The following ULK3 variants were observed in gnomAD, a reference collection of about 807,000 sequenced individuals.
The protein encoded by ULK3 is unc-51 like kinase 3.
A neutral mutation model predicts 69.4 loss-of-function variants in ULK3; 54 were observed. The ratio of observed to expected loss-of-function variants is 0.78; its 90% CI spans 0.63 to 0.98. The LOEUF is 0.98. ULK3 is among the 50% of genes least tolerant of loss of function. The pLI, the probability that ULK3 is intolerant of heterozygous loss-of-function variation, is 0.00. For missense variants in ULK3, 558 were observed against 627.7 expected (o/e 0.89, Z 1.19); for synonymous variants, 240 against 254.5 (o/e 0.94, Z 0.54).
At chr15:74,841,354 G>A (rs984472433) in intron 4 of ULK3, 51 bp downstream of exon 4, 3 of 1,501,708 alleles carry the variant, frequency 2.0e-6, no homozygotes, top group Non-Finnish European at 2.8e-6. Flanking sequence ...CCCAGGCAGA[G>A]GGAGGCCTCT....
Position 74,840,488 on chromosome 15 carries a change from G to T in ULK3, c.613+10C>A. 1 of 1,602,024 alleles carries T rather than the reference G, an allele frequency of 6.2e-7. No homozygotes were observed. Among genetic ancestry groups the T allele is most frequent in the South Asian group, 1.1e-5 (1 of 89,282 alleles). On this transcript the variant is annotated intron_variant, in intron 5 of 15. Transcript: ENST00000440863. The stretch of plus-strand genomic sequence containing the variant: ...GCCTCAGGGTGAGAAGCAGGGAAAA[G>T]AGGTCTCACCATACAGGATGACCCC...
chr15:74,838,048 C>T, intron 13 of ULK3, 104 bp downstream of exon 13: 1 of 1,490,174 alleles, frequency 6.7e-7, no homozygotes, highest in South Asian at 1.3e-5. Flanking sequence ...CTTGGAACAC[C>T]CTGACAGTGG....
At chr15:74,837,527 ACGAGCCACAGCGCAG>A in intron 14 of ULK3, 92 bp from the exon 15 acceptor site, 3 of 928,378 alleles carry the variant, frequency 3.2e-6, no homozygotes, top group Non-Finnish European at 5.0e-6. Context: ...GGACGGGGAC[ACGAGCCACAGCGCAG>A]TGCCGAGCAA....
Position 74,842,910 on chromosome 15 carries a change from C to A in ULK3, c.102+94G>T. ...GGCGAGGCCGGCCTCCCGCCCCTAACTATTCCCACACTGTCGCTAACCTCT... is the reference window on the plus strand; with the variant it reads ...GGCGAGGCCGGCCTCCCGCCCCTAAATATTCCCACACTGTCGCTAACCTCT... On this transcript the variant is annotated intron_variant, in intron 1 of 15. Coordinates refer to ENST00000440863, the MANE Select transcript of ULK3 (RefSeq NM_001099436.4). This position sits in a 1 kb window ranked among gnomAD's most constrained non-coding sequence, Gnocchi z 4.9. 1 of 1,416,030 alleles carries A rather than the reference C, an allele frequency of 7.1e-7. No homozygotes were observed. 87.7% of individuals were successfully genotyped at this position (1,416,030 alleles called of 1,614,324 possible).
In ULK3 at chr15:74,837,769, G is replaced by A; in HGVS notation, c.1317C>T (p.Tyr439=). The A allele has an allele frequency of 6.3e-7, 1 of 1,599,772 alleles. No homozygotes were observed. Among genetic ancestry groups the A allele is most frequent in the Non-Finnish European group, 8.5e-7 (1 of 1,172,912 alleles). The change falls in exon 14 of 16, where the codon TAC becomes TAT. Residue 439 remains tyrosine, a synonymous_variant. Coordinates refer to ENST00000440863, the MANE Select transcript of ULK3 (RefSeq NM_001099436.4). ...TGCCCACCTTGACCTGCTCCTTCAA[G>A]TATTCAGCTCGGGCCATGAGGTTCT... ...EVQNLMARAE[Y]LKEQVKMRES... is the part of the protein sequence containing the mutation.
chr15:74,839,427 C>A, intron 7 of ULK3, 54 bp from the exon 8 acceptor site: 2 of 1,545,204 alleles, frequency 1.3e-6, no homozygotes, highest in Non-Finnish European at 1.7e-6. Flanking sequence ...CCCACACTCA[C>A]CAAGATGGGA....
At position 74,842,218 on chromosome 15, in the gene ULK3, G is replaced by A. The variant is rs766816449; in HGVS notation, c.244-23C>T. The stretch of plus-strand genomic sequence containing the variant: ...CCACTGTGTTTAGAGGCAGAGAGGC[G>A]GCCTGAAGAGAGTGTCCCTTCTCCA... On this transcript the variant is annotated intron_variant, in intron 2 of 15. Transcript: ENST00000440863. The surrounding 1 kb of genome is among the most constrained non-coding windows in gnomAD (Gnocchi z 4.9). The A allele has an allele frequency of 1.9e-6, 3 of 1,613,968 alleles. No individual in the cohort carries two copies. The Admixed American group carries it at 5.0e-5, about 27-fold the overall frequency.
intron 12 of ULK3, 35 bp from the exon 13 acceptor site, chr15:74,838,227 G>A (rs1248519617): frequency 6.4e-7 from 1 of 1,567,168 alleles, no homozygotes. Flanking sequence ...GGACAGGGTG[G>A]CCAGAGGCCC....
At position 74,842,302 on chromosome 15, in the gene ULK3, A is replaced by G. The variant is rs1262158060; in HGVS notation, c.221T>C (p.Ile74Thr). The G allele has an allele frequency of 1.2e-6, 2 of 1,613,982 alleles. No homozygotes were observed. The highest frequency in any genetic ancestry group is 1.7e-6 in the Non-Finnish European group (2 of 1,179,870). The change falls in exon 2 of 16, where the codon ATT (isoleucine) becomes ACT (threonine). Residue 74 changes from isoleucine (I) to threonine (T), a missense_variant. Physicochemically the swap from Ile to Thr is moderately conservative, Grantham distance 89. Transcript: ENST00000440863. The surrounding 1 kb of genome is among the most constrained non-coding windows in gnomAD (Gnocchi z 4.9). ...CACCTGAAAGTCTTTCAGCTGCACA[A>G]TGTGGGGATGTCGAATGCCCTTGAG... Reference protein sequence around the residue: ...EILKGIRHPHIVQLKDFQWDS... With the variant: ...EILKGIRHPHTVQLKDFQWDS...
At position 74,842,821 on chromosome 15, in the gene ULK3, G is replaced by A; in HGVS notation, c.102+183C>T. The A allele has an allele frequency of 1.4e-6, 2 of 1,381,644 alleles. No homozygotes were observed. Among genetic ancestry groups the A allele is most frequent in the African/African-American group, 1.4e-5 (1 of 69,650 alleles). 85.6% of individuals were successfully genotyped at this position (1,381,644 alleles called of 1,614,324 possible). On this transcript the variant is annotated intron_variant, in intron 1 of 15. Coordinates refer to ENST00000440863, the MANE Select transcript of ULK3 (RefSeq NM_001099436.4). This position sits in a 1 kb window ranked among gnomAD's most constrained non-coding sequence, Gnocchi z 4.9. Reference sequence around the variant, plus strand: ...TCAGCCACTGACCCTGCAGGTGGGTGCAGGTGCGCTCTTTAAGACCTAAGC... The same window carrying A: ...TCAGCCACTGACCCTGCAGGTGGGTACAGGTGCGCTCTTTAAGACCTAAGC...
Position 74,842,606 on chromosome 15 carries a change from C to T in ULK3, c.103-186G>A, listed in dbSNP as rs761228041. 5.8e-5 allele frequency: 90 copies of T among 1,547,334 alleles called. No homozygotes were observed. The highest frequency in any genetic ancestry group is 7.3e-5 in the Non-Finnish European group (84 of 1,153,876). On this transcript the variant is annotated intron_variant, in intron 1 of 15. Coordinates refer to ENST00000440863, the MANE Select transcript of ULK3 (RefSeq NM_001099436.4). The surrounding 1 kb of genome is among the most constrained non-coding windows in gnomAD (Gnocchi z 4.9). ...AGTGAGGAATGCTGATTCTGGAATC[C>T]TGGCTTCCCGACACAGCCTCAGCCT...
chr15:74,840,726 C>T, intron 4 of ULK3, 85 bp from the exon 5 acceptor site: 1 of 1,468,506 alleles, frequency 6.8e-7, no homozygotes. Context: ...GGCTCCTCTC[C>T]ACCCTCCAGA....
intron 10 of ULK3, 30 bp downstream of exon 10, chr15:74,838,613 C>A (rs755368623): frequency 1.7e-5 from 27 of 1,596,316 alleles, no homozygotes; most frequent in South Asian, 4.5e-5. Flanking sequence ...TTGCTGGGGG[C>A]CCTGGGGTCA....
intron 14 of ULK3, 74 bp downstream of exon 14, chr15:74,837,677 G>T: frequency 5.3e-6 from 8 of 1,503,884 alleles, no homozygotes; most frequent in South Asian, 1.2e-5. Context: ...CACCAGCAGG[G>T]GGGGACGACA....
At chr15:74,840,775 C>T in intron 4 of ULK3, 134 bp from the exon 5 acceptor site, 1 of 1,243,756 alleles carries the variant, frequency 8.0e-7, no homozygotes, top group Non-Finnish European at 1.1e-6. Flanking sequence ...CTCTGCTCAT[C>T]ATTAGGCTGG....
At position 74,842,869 on chromosome 15, in the gene ULK3, G is replaced by T; in HGVS notation, c.102+135C>A. ...AGCGTGGCAGTCGGCTCCAACCTCC[G>T]CCGAGGGTCAGCTGGGGCGAGGCCG... On this transcript the variant is annotated intron_variant, in intron 1 of 15. Transcript: ENST00000440863. This position sits in a 1 kb window ranked among gnomAD's most constrained non-coding sequence, Gnocchi z 4.9. 1 of 1,324,214 alleles carries T rather than the reference G, an allele frequency of 7.6e-7. No individual in the cohort carries two copies. The highest frequency in any genetic ancestry group is 1.0e-6 in the Non-Finnish European group (1 of 984,110). The allele number at this position is 1,324,214 out of a possible 1,614,324, so 82.0% of individuals were successfully genotyped here.
chr15:74,839,097 G>T (rs776311419), intron 8 of ULK3, 47 bp from the exon 9 acceptor site: 2 of 1,575,874 alleles, frequency 1.3e-6, no homozygotes, highest in Non-Finnish European at 1.7e-6. Context: ...ACCCCTCCCT[G>T]CCCCACAACG....
Position 74,840,740 on chromosome 15 carries a change from G to A in ULK3, c.470-99C>T, listed in dbSNP as rs767417056. The A allele has an allele frequency of 3.0e-5, 42 of 1,419,880 alleles. No homozygotes were observed. In the East Asian group the frequency reaches 4.4e-4, roughly 15 times the overall value. The allele number at this position is 1,419,880 out of a possible 1,614,324, so 88.0% of individuals were successfully genotyped here. A position where few individuals can be genotyped will look rare whatever the true frequency, so the allele number is the denominator to read the frequency against. On this transcript the variant is annotated intron_variant, in intron 4 of 15. Coordinates refer to ENST00000440863, the MANE Select transcript of ULK3 (RefSeq NM_001099436.4). ...AGGCTCCTCTCCACCCTCCAGACCC[G>A]CCAGGATCAACCCTATTTCCAAGCC...
At position 74,839,670 on chromosome 15, in the gene ULK3, A is replaced by C; in HGVS notation, c.740T>G (p.Leu247Arg). ...PLLSRDCRDL[L>R]QRLLERDPSR... The stretch of plus-strand genomic sequence containing the variant: ...GGGGTCCCGCTCCAGGAGCCGCTGC[A>C]GTAGGTCCCGGCAGTCTCGGGAGAG... Residue 247 changes from leucine (L) to arginine (R), a missense_variant, in exon 7 of 16, where the codon CTG becomes CGG. Coordinates refer to ENST00000440863, the MANE Select transcript of ULK3 (RefSeq NM_001099436.4). The C allele has an allele frequency of 6.4e-7, 1 of 1,554,718 alleles. No individual in the cohort carries two copies.
Sources: allele counts gnomAD v4.1 joint callset, GRCh38; gene constraint gnomAD v4.1.1; non-coding constraint Gnocchi (gnomAD v3.1); transcripts MANE v1.5; gene names NCBI Gene and HGNC (gene_info 2026-07-23, HGNC 2026-07-21).